Variants in RPIA observed in about 807,000 individuals in gnomAD.
RPIA encodes the protein ribose-5-phosphate isomerase.
In RPIA, 29 loss-of-function variants were observed where a neutral mutation model predicts 37.8. The ratio of observed to expected loss-of-function variants is 0.77; its 90% CI spans 0.57 to 1.05. The LOEUF is 1.05. Ranked by LOEUF, RPIA falls within the 50% of genes least tolerant of loss-of-function variation. The pLI is 0.00. For missense variants in RPIA, 385 were observed against 413.6 expected (o/e 0.93, Z 0.60); for synonymous variants, 167 against 157.0 (o/e 1.06, Z -0.48).
At chr2:88,727,016 A>G (rs7569862) in intron 3 of RPIA, among the ~76,000 whole-genome samples, 9,826 of 152,234 alleles carry the variant, frequency 0.065, 566 homozygotes, top group African/African-American at 0.15. Flanking sequence ...TGGGATTATG[A>G]GCATGAGCCA....
intron 8 of RPIA, among the ~76,000 whole-genome samples, chr2:88,740,529 A>G (rs1673370158): frequency 6.6e-6 from 1 of 152,170 alleles, no homozygotes; most frequent in African/African-American, 2.4e-5. Context: ...CTCTGTTACC[A>G]TGTGCATTCG....
intron 3 of RPIA, among the ~76,000 whole-genome samples, chr2:88,727,986 T>C (rs1337162583): frequency 2.0e-5 from 3 of 152,190 alleles, no homozygotes; most frequent in Non-Finnish European, 2.9e-5. Context: ...GTTTCAATAA[T>C]TATCAGTTCA....
At chr2:88,736,759 C>A in intron 7 of RPIA, 83 bp downstream of exon 7, 1 of 1,481,792 alleles carries the variant, frequency 6.7e-7, no homozygotes, top group Non-Finnish European at 9.1e-7. Flanking sequence ...GCAGTTAGGT[C>A]ATGTGTGCTT....
intron 3 of RPIA, among the ~76,000 whole-genome samples, chr2:88,702,682 T>G (rs560632747): frequency 3.3e-5 from 5 of 152,264 alleles, no homozygotes; most frequent in East Asian, 3.9e-4. Flanking sequence ...AGATGAGCTT[T>G]GGGTGGGGAC....
intron 8 of RPIA, among the ~76,000 whole-genome samples, chr2:88,740,294 T>C (rs1360531454): frequency 1.3e-5 from 2 of 152,100 alleles, no homozygotes; most frequent in Admixed American, 6.5e-5. Context: ...CAAAAAAAAG[T>C]ATGTAGAAGC....
chr2:88,720,565 C>T (rs1047363558), intron 3 of RPIA, among the ~76,000 whole-genome samples: 1 of 150,254 alleles, frequency 6.7e-6, no homozygotes, highest in African/African-American at 2.4e-5. Flanking sequence ...ACTTCTAAAA[C>T]AAAATTAAAA....
At chr2:88,736,470 T>C in intron 6 of RPIA, 65 bp from the exon 7 acceptor site, 1 of 1,570,870 alleles carries the variant, frequency 6.4e-7, no homozygotes, top group Non-Finnish European at 8.8e-7. Context: ...GTTCCTGAAT[T>C]TGGTGTTTGC....
In RPIA at chr2:88,736,425, C is replaced by T; in HGVS notation, c.597-110C>T. 1.8e-6 allele frequency: 2 copies of T among 1,138,488 alleles called. 1 individual carries two copies. The allele number at this position is 1,138,488 out of a possible 1,614,324, so 70.5% of individuals were successfully genotyped here. On this transcript the variant is annotated intron_variant, in intron 6 of 8. Transcript: ENST00000283646. ...TAGCCCCATGTATATTGCCCTTGATCACTTTCCTTGCCTTCCCACCATCTC... is the reference window on the plus strand; with the variant it reads ...TAGCCCCATGTATATTGCCCTTGATTACTTTCCTTGCCTTCCCACCATCTC...
At position 88,750,886 on chromosome 2, in the gene RPIA, C is replaced by A; in HGVS notation, c.*808C>A. On this transcript the variant is annotated 3_prime_UTR_variant, in exon 9 of 9. Transcript: ENST00000283646. ...ATGGTTTGGCGTCAGAAGTCCTTAC[C>A]TCTTTATATTGTTTGCAGGTTTAAA... is the stretch of plus-strand genomic sequence containing the variant. The A allele has an allele frequency of 2.5e-6, 1 of 395,698 alleles. No homozygotes were observed. The allele number at this position is 395,698 out of a possible 1,614,324, so 24.5% of individuals were successfully genotyped here.
At chr2:88,695,495 G>T (rs548178264) in intron 1 of RPIA, among the ~76,000 whole-genome samples, 1 of 152,200 alleles carries the variant, frequency 6.6e-6, no homozygotes, top group Non-Finnish European at 1.5e-5. Flanking sequence ...GATGATTGTT[G>T]TGGTGTGAGA....
At chr2:88,739,778 C>T (rs778511341) in intron 8 of RPIA, among the ~76,000 whole-genome samples, 4 of 152,040 alleles carry the variant, frequency 2.6e-5, no homozygotes, top group East Asian at 1.9e-4. Context: ...CCACCAGGAC[C>T]GGCTAAGTTT....
At chr2:88,725,976 T>C (rs13409145) in intron 3 of RPIA, among the ~76,000 whole-genome samples, 9,821 of 152,206 alleles carry the variant, frequency 0.065, 566 homozygotes, top group African/African-American at 0.15. Flanking sequence ...ACCGGCAGAA[T>C]TCCTGAGCCT....
chr2:88,715,665 C>T (rs1673025625), intron 3 of RPIA, among the ~76,000 whole-genome samples: 1 of 152,182 alleles, frequency 6.6e-6, no homozygotes, highest in African/African-American at 2.4e-5. Flanking sequence ...ATCACTGCTT[C>T]CTGAAACTTT....
chr2:88,698,378 G>A (rs2104071685), intron 1 of RPIA, 106 bp from the exon 2 acceptor site: 1 of 949,586 alleles, frequency 1.1e-6, no homozygotes, highest in Non-Finnish European at 1.7e-6. Context: ...TACCTGTGTT[G>A]GTGGATTGCT....
At chr2:88,715,712 T>C (rs75197437) in intron 3 of RPIA, among the ~76,000 whole-genome samples, 2,031 of 152,354 alleles carry the variant, frequency 0.013, 21 homozygotes, top group Non-Finnish European at 0.02. Context: ...CTTCTTAGCT[T>C]TCTTTAGTAC....
chr2:88,741,180 C>T (rs1405824579), intron 8 of RPIA, among the ~76,000 whole-genome samples: 3 of 152,126 alleles, frequency 2.0e-5, no homozygotes, highest in African/African-American at 7.2e-5. Context: ...GTACACTGTA[C>T]CCAATGCATA....
chr2:88,740,618 T>TTTCA (rs1673371316), intron 8 of RPIA, among the ~76,000 whole-genome samples: 1 of 152,166 alleles, frequency 6.6e-6, no homozygotes, highest in African/African-American at 2.4e-5. Context: ...AGTGACTGAA[T>TTTCA]TGAAGGGCCA....
At position 88,691,914 on chromosome 2, in the gene RPIA, C is replaced by G. The variant is rs756812955; in HGVS notation, c.216C>G (p.Pro72=). 1.3e-6 allele frequency: 2 copies of G among 1,595,556 alleles called. No individual in the cohort carries two copies. Among genetic ancestry groups the G allele is most frequent in the Non-Finnish European group, 8.5e-7 (1 of 1,171,956 alleles). The change falls in exon 1 of 9, where the codon CCC becomes CCG. Residue 72 remains proline (P), a synonymous_variant. Coordinates refer to ENST00000283646, the MANE Select transcript of RPIA (RefSeq NM_144563.3). ...CGDSNSICPA[P]STMSKAEEAK... ...ACTCCAACAGCATCTGCCCGGCCCC[C>G]TCCACGATGTCCAAGGCCGAGGAGG...
At chr2:88,711,260 C>T (rs145334374) in intron 3 of RPIA, among the ~76,000 whole-genome samples, 180 of 152,286 alleles carry the variant, frequency 1.2e-3, no homozygotes, top group African/African-American at 3.9e-3. Context: ...AAGAAACCAC[C>T]GCAAGGTGGT....
Sources: gnomAD v4.1 joint callset for allele counts (sites outside exome capture counted in the v4.1 genomes callset) on GRCh38, gnomAD v4.1.1 for gene constraint, MANE v1.5 for transcripts, NCBI Gene and HGNC (gene_info 2026-07-23, HGNC 2026-07-21) for gene names.